The following ARHGAP6 variants were observed in gnomAD, a reference collection of about 807,000 sequenced individuals.
ARHGAP6 encodes the protein rho GTPase-activating protein 6.
Under a neutral mutation model 55.7 loss-of-function variants are expected in ARHGAP6, and 16 were observed. That is an observed-to-expected ratio of 0.29 (90% CI 0.19 to 0.44). The LOEUF is 0.44. Ranked by LOEUF, ARHGAP6 falls within the 20% of genes least tolerant of loss-of-function variation. The probability of loss-of-function intolerance (pLI) is 1.00; values close to 1 mark genes in which losing one functional copy is unlikely to be tolerated. For synonymous variants in ARHGAP6, 382 were observed against 360.9 expected, an observed-to-expected ratio of 1.06 and a Z score of -0.66; for missense variants, 698 against 808.9, an observed-to-expected ratio of 0.86 and a Z score of 1.66.
intron 1 of ARHGAP6, among the ~76,000 whole-genome samples, chrX:11,466,018 T>A (rs2050289656): frequency 9.0e-6 from 1 of 110,868 alleles, no homozygotes; most frequent in African/African-American, 3.3e-5. Context: ...ACCCTGCCCA[T>A]CTTCCGAGGC....
At chrX:11,558,298 A>C (rs1209019161) in intron 1 of ARHGAP6, among the ~76,000 whole-genome samples, 1 of 111,903 alleles carries the variant, frequency 8.9e-6, no homozygotes, top group Non-Finnish European at 1.9e-5. Flanking sequence ...GAGGCAATGG[A>C]AACAGAAAAT....
rs1000833357 is a variant in ARHGAP6 at position 11,568,068 on chromosome X, C to T, written c.588+96173G>A. On this transcript the variant is annotated intron_variant, in intron 1 of 12. Transcript: ENST00000337414. ...GGCAGAGTTTTAGGTGTTCCAAACA[C>T]GCAGCCTTCCATGCATAGAGTAAAT... Among the ~76,000 whole-genome samples the T allele has an allele frequency of 4.5e-5, 5 of 111,406 alleles. No homozygotes were observed. In the Admixed American group the frequency reaches 4.8e-4, roughly 11 times the overall value.
intron 1 of ARHGAP6, among the ~76,000 whole-genome samples, chrX:11,580,104 T>G (rs1305151719): frequency 8.9e-6 from 1 of 111,813 alleles, no homozygotes. Context: ...AAATCATACG[T>G]CCTATAGGGT....
intron 1 of ARHGAP6, among the ~76,000 whole-genome samples, chrX:11,423,664 G>A (rs1473712108): frequency 8.9e-6 from 1 of 112,704 alleles, no homozygotes; most frequent in Non-Finnish European, 1.9e-5. Context: ...TTTCTACTGA[G>A]CACCTACTGT....
chrX:11,510,376 T>A (rs2050774191), intron 1 of ARHGAP6, among the ~76,000 whole-genome samples: 1 of 111,082 alleles, frequency 9.0e-6, no homozygotes, highest in African/African-American at 3.3e-5. Flanking sequence ...GTAGTTTCTA[T>A]CACTAAAGAG....
At chrX:11,347,780 A>G (rs1180637544) in intron 1 of ARHGAP6, among the ~76,000 whole-genome samples, 1 of 111,851 alleles carries the variant, frequency 8.9e-6, no homozygotes, top group African/African-American at 3.3e-5. Context: ...CACGCCATTC[A>G]ACATGCATTT....
Position 11,215,185 on chromosome X carries a change from C to T in ARHGAP6, c.749-18189G>A, listed in dbSNP as rs373174406. Among the ~76,000 whole-genome samples the T allele has an allele frequency of 3.2e-4, 36 of 112,973 alleles. No individual in the cohort carries two copies. In the East Asian group the frequency reaches 8.5e-3, roughly 27 times the overall value. On this transcript the variant is annotated intron_variant, in intron 2 of 12. Transcript: ENST00000337414. ...GACACTTGGGGTCACCGGAGGTCCC[C>T]TGGGCATCCAGGCGGGCGAGTAGCA...
At chrX:11,567,503 G>C (rs773224437) in intron 1 of ARHGAP6, among the ~76,000 whole-genome samples, 310 of 101,397 alleles carry the variant, frequency 3.1e-3, no homozygotes, top group Non-Finnish European at 4.6e-3. Flanking sequence ...GCAGTGAGCC[G>C]AGATGGCGCC....
chrX:11,341,019 G>C (rs1239839478), intron 1 of ARHGAP6, among the ~76,000 whole-genome samples: 1 of 97,998 alleles, frequency 1.0e-5, no homozygotes, highest in African/African-American at 3.8e-5. Context: ...AGGGTGAAAA[G>C]AGGGGTTGAC....
chrX:11,593,030 T>C (rs748998547), intron 1 of ARHGAP6, among the ~76,000 whole-genome samples: 8 of 112,378 alleles, frequency 7.1e-5, no homozygotes, highest in East Asian at 2.8e-4. Context: ...AGAAAGGGTA[T>C]TGAATGTAAC....
At chrX:11,465,311 A>G (rs1461102597) in intron 1 of ARHGAP6, among the ~76,000 whole-genome samples, 1 of 112,196 alleles carries the variant, frequency 8.9e-6, no homozygotes, top group East Asian at 2.8e-4. Flanking sequence ...GAAGATAAGT[A>G]ACTTGCTAAA....
At chrX:11,319,064 C>G (rs1457744545) in intron 1 of ARHGAP6, among the ~76,000 whole-genome samples, 3 of 112,219 alleles carry the variant, frequency 2.7e-5, no homozygotes, top group African/African-American at 9.7e-5. Flanking sequence ...TTTATTCAAT[C>G]ATATAATAAG....
intron 1 of ARHGAP6, among the ~76,000 whole-genome samples, chrX:11,465,711 C>T (rs2050285888): frequency 9.0e-6 from 1 of 111,630 alleles, no homozygotes; most frequent in African/African-American, 3.3e-5. Flanking sequence ...CTGAACACAG[C>T]ATCACTTTTT....
rs1602811358 is a variant in ARHGAP6 at position 11,186,142 on chromosome X, C to T, written c.1273+94G>A. 3 of 849,846 alleles carry T rather than the reference C, an allele frequency of 3.5e-6. No individual in the cohort carries two copies. The East Asian group carries it at 9.4e-5, about 27-fold the overall frequency. The allele number at this position is 849,846 out of a possible 1,213,427, so 70.0% of individuals were successfully genotyped here. ...AGTAAATTTCAGTTCAGAGCTTGAT[C>T]ATTTGATCAAGCAGAATTGACATTG... is the stretch of plus-strand genomic sequence containing the variant. On this transcript the variant is annotated intron_variant, in intron 5 of 12. Coordinates refer to ENST00000337414, the MANE Select transcript of ARHGAP6 (RefSeq NM_013427.3).
intron 1 of ARHGAP6, among the ~76,000 whole-genome samples, chrX:11,403,791 G>A (rs137991402): frequency 1.7e-3 from 194 of 112,283 alleles, no homozygotes; most frequent in Non-Finnish European, 2.8e-3. Flanking sequence ...GGCAAAATCT[G>A]TTAGATAAAC....
rs755874041 is a variant in ARHGAP6 at position 11,266,011 on chromosome X, G to A, written c.589-11304C>T. The A allele has an allele frequency of 2.9e-5, 25 of 858,920 alleles. No homozygotes were observed. The Admixed American group carries it at 5.5e-4, about 19-fold the overall frequency. 70.8% of individuals were successfully genotyped at this position (858,920 alleles called of 1,213,427 possible). A position where few individuals can be genotyped will look rare whatever the true frequency, so the allele number is the denominator to read the frequency against. On this transcript the variant is annotated intron_variant, in intron 1 of 12. Transcript: ENST00000337414. ...AGTAAGTGCACAAATGAGTGAGTGC[G>A]TGTGTTTGTATGCGTGTGTGCCTGT...
chrX:11,351,444 C>G, intron 1 of ARHGAP6: 1 of 967,065 alleles, frequency 1.0e-6, no homozygotes, highest in Non-Finnish European at 1.3e-6. Context: ...ACAGGGCAGG[C>G]TCTCCCCAGA....
At position 11,391,725 on chromosome X, in the gene ARHGAP6, AG is replaced by A. The variant is rs200423557; in HGVS notation, c.589-137019del. Among the ~76,000 whole-genome samples the A allele has an allele frequency of 5.5e-3, 623 of 112,568 alleles. 3 individuals carry two copies. The highest frequency in any genetic ancestry group is 0.019 in the African/African-American group (597 of 31,041). ...GGCTTCTTCCCAGACCAAATAAATC[AG>A]AAGCTCTAGGAGTGAAGCTTGATCT... On this transcript the variant is annotated intron_variant, in intron 1 of 12. Transcript: ENST00000337414.
At chrX:11,255,889 T>G (rs772927582) in intron 1 of ARHGAP6, among the ~76,000 whole-genome samples, 23 of 111,866 alleles carry the variant, frequency 2.1e-4, no homozygotes, top group Non-Finnish European at 4.1e-4. Flanking sequence ...TACTTTACAA[T>G]CCTCTGAAAC....
Sources: gnomAD v4.1 joint callset for allele counts (sites outside exome capture counted in the v4.1 genomes callset) on GRCh38, gnomAD v4.1.1 for gene constraint, MANE v1.5 for transcripts, NCBI Gene and HGNC (gene_info 2026-07-23, HGNC 2026-07-21) for gene names.